ZBTB20: variants seen among roughly 807,000 people sequenced by gnomAD.
ZBTB20 encodes the protein zinc finger and BTB domain containing 20.
In ZBTB20, 9 loss-of-function variants were observed where a neutral mutation model predicts 56.9. The ratio of observed to expected loss-of-function variants is 0.16; its 90% CI spans 0.10 to 0.28. The LOEUF (loss-of-function observed/expected upper bound fraction) is 0.28, where lower values mean the gene tolerates loss of function less well. Ranked by LOEUF, ZBTB20 falls within the 10% of genes least tolerant of loss-of-function variation. The probability of loss-of-function intolerance (pLI) is 1.00; values close to 1 mark genes in which losing one functional copy is unlikely to be tolerated. For missense variants in ZBTB20, 655 were observed against 1,003.0 expected (o/e 0.65, Z 4.69); for synonymous variants, 417 against 420.7 (o/e 0.99, Z 0.11).
chr3:114,861,994 G>A (rs569107684), intron 4 of ZBTB20, among the ~76,000 whole-genome samples: 2 of 151,992 alleles, frequency 1.3e-5, no homozygotes, highest in Admixed American at 1.3e-4. Flanking sequence ...AATAACAAAG[G>A]GACATGATTC....
chr3:114,926,969 C>A (rs1032146871), intron 3 of ZBTB20, among the ~76,000 whole-genome samples: 1 of 152,122 alleles, frequency 6.6e-6, no homozygotes, highest in Non-Finnish European at 1.5e-5. Context: ...TCTTGAACTT[C>A]TGGGGGCTCA....
intron 6 of ZBTB20, among the ~76,000 whole-genome samples, chr3:114,582,524 C>A (rs1187582237): frequency 2.6e-5 from 4 of 151,964 alleles, no homozygotes; most frequent in Non-Finnish European, 4.4e-5. Context: ...AGCTTACAGG[C>A]ACGTGCCATC....
intron 7 of ZBTB20, among the ~76,000 whole-genome samples, chr3:114,417,318 C>T (rs185117234): frequency 5.3e-4 from 81 of 152,192 alleles, no homozygotes; most frequent in Non-Finnish European, 9.3e-4. Flanking sequence ...AGAAAACACT[C>T]ATGTGGACTT....
chr3:115,113,762 T>C (rs998136467), intron 1 of ZBTB20, among the ~76,000 whole-genome samples: 1 of 152,114 alleles, frequency 6.6e-6, no homozygotes, highest in African/African-American at 2.4e-5. Flanking sequence ...CAGCAAAATG[T>C]GGAAGCAGCA....
chr3:114,913,979 T>C (rs1416019272), intron 3 of ZBTB20, among the ~76,000 whole-genome samples: 4 of 152,088 alleles, frequency 2.6e-5, no homozygotes, highest in Non-Finnish European at 5.9e-5. Context: ...TTTTGGTTAC[T>C]ATAGCCCTGT....
chr3:115,057,187 G>A (rs1020111191), intron 2 of ZBTB20, among the ~76,000 whole-genome samples: 1 of 151,980 alleles, frequency 6.6e-6, no homozygotes, highest in African/African-American at 2.4e-5. Context: ...TTTTGTCATT[G>A]CATTTATTGA....
Position 114,510,367 on chromosome 3 carries a change from T to G in ZBTB20, c.-294-9976A>C, listed in dbSNP as rs76343777. On this transcript the variant is annotated intron_variant, in intron 6 of 11. Transcript: ENST00000675478. ...TTCCAAAGGCAATCAATTTTTGTCC[T>G]AGAGTCTGAAGGTTCATGGGCTTTC... Among the ~76,000 whole-genome samples, 1,475 of 152,252 alleles carry G rather than the reference T, an allele frequency of 9.7e-3. 24 individuals carry two copies. The highest frequency in any genetic ancestry group is 0.033 in the African/African-American group (1,357 of 41,548).
chr3:115,065,782 A>G (rs2082185898), intron 2 of ZBTB20, among the ~76,000 whole-genome samples: 1 of 152,206 alleles, frequency 6.6e-6, no homozygotes, highest in South Asian at 2.1e-4. Flanking sequence ...GGTTTGTGCA[A>G]GGTTATTTAA....
chr3:114,436,953 ACTT>A (rs1332762870), intron 7 of ZBTB20, among the ~76,000 whole-genome samples: 1 of 152,206 alleles, frequency 6.6e-6, no homozygotes, highest in African/African-American at 2.4e-5. Context: ...GTTTTCCAGC[ACTT>A]CTTCTGAGAT....
At chr3:114,606,970 C>A (rs1259187689) in intron 6 of ZBTB20, among the ~76,000 whole-genome samples, 2 of 151,730 alleles carry the variant, frequency 1.3e-5, no homozygotes, top group African/African-American at 4.8e-5. Context: ...TGGTGGTGGG[C>A]ACCTGTAGTC....
At chr3:115,117,999 A>G (rs1269504443) in intron 1 of ZBTB20, among the ~76,000 whole-genome samples, 1 of 152,200 alleles carries the variant, frequency 6.6e-6, no homozygotes, top group Non-Finnish European at 1.5e-5. Flanking sequence ...TTCCACATTC[A>G]CTACCTGTGA....
At chr3:114,822,262 T>C (rs921899266) in intron 4 of ZBTB20, among the ~76,000 whole-genome samples, 5 of 152,148 alleles carry the variant, frequency 3.3e-5, no homozygotes, top group Non-Finnish European at 4.4e-5. Flanking sequence ...ATAAATAGTT[T>C]CTGGAAAAAT....
intron 1 of ZBTB20, among the ~76,000 whole-genome samples, chr3:115,120,714 A>G (rs1279818305): frequency 1.3e-5 from 2 of 152,248 alleles, no homozygotes; most frequent in East Asian, 1.9e-4. Context: ...CAAAGTCACC[A>G]AACTAGTTCA....
chr3:114,430,557 C>T (rs1179375520), intron 7 of ZBTB20, among the ~76,000 whole-genome samples: 1 of 152,114 alleles, frequency 6.6e-6, no homozygotes, highest in African/African-American at 2.4e-5. Context: ...TTTTCTGCCA[C>T]CTTGATGTTT....
At chr3:114,701,105 C>T (rs1196529299) in intron 5 of ZBTB20, among the ~76,000 whole-genome samples, 1 of 152,140 alleles carries the variant, frequency 6.6e-6, no homozygotes, top group Non-Finnish European at 1.5e-5. Context: ...ATTAACCTGG[C>T]ATATGAATGG....
chr3:114,678,334 T>C (rs1217723128), intron 6 of ZBTB20, among the ~76,000 whole-genome samples: 1 of 152,198 alleles, frequency 6.6e-6, no homozygotes, highest in Non-Finnish European at 1.5e-5. Context: ...AAAAGAGTTT[T>C]AAAATGCACA....
At chr3:114,869,810 G>A (rs1251090540) in intron 4 of ZBTB20, among the ~76,000 whole-genome samples, 1 of 151,908 alleles carries the variant, frequency 6.6e-6, no homozygotes, top group African/African-American at 2.4e-5. Flanking sequence ...TAACCCACTT[G>A]GAATTCCTTT....
At chr3:114,474,385 A>T (rs1251999786) in intron 7 of ZBTB20, among the ~76,000 whole-genome samples, 1 of 152,236 alleles carries the variant, frequency 6.6e-6, no homozygotes, top group East Asian at 1.9e-4. Flanking sequence ...CTTATGTGGC[A>T]TTCCAAATAT....
chr3:114,972,271 T>C (rs1377402722), intron 3 of ZBTB20, among the ~76,000 whole-genome samples: 1 of 152,208 alleles, frequency 6.6e-6, no homozygotes, highest in Non-Finnish European at 1.5e-5. Flanking sequence ...CTTTTTATTC[T>C]GAACAACCAA....
Sources: allele counts gnomAD v4.1 joint callset (sites outside exome capture counted in the v4.1 genomes callset), GRCh38; gene constraint gnomAD v4.1.1; transcripts MANE v1.5; gene names NCBI Gene and HGNC (gene_info 2026-07-23, HGNC 2026-07-21).